PRKCQ: variants seen among roughly 807,000 people sequenced by gnomAD.
PRKCQ encodes the protein protein kinase C theta, also known as protein kinase C theta type.
In PRKCQ, 41 loss-of-function variants were observed where a neutral mutation model predicts 91.2. The observed-to-expected ratio is 0.45, with a 90% confidence interval of 0.35 to 0.58. PRKCQ has a LOEUF of 0.58. PRKCQ is among the 20% of genes least tolerant of loss of function. The pLI, the probability that PRKCQ is intolerant of heterozygous loss-of-function variation, is 0.00. For synonymous variants in PRKCQ, 307 were observed against 316.9 expected (o/e 0.97, Z 0.33); for missense variants, 673 against 896.5 (o/e 0.75, Z 3.18).
In PRKCQ at chr10:6,553,499, A is replaced by ATAAAAT. The variant is rs1554782517; in HGVS notation, c.-10+26711_-10+26712insATTTTA. ...AGCAAGACCCTGTCTCAAAAAAAAA[A>ATAAAAT]AAAAAAAAAAAAAAAAAACAAACAA... On this transcript the variant is annotated intron_variant, in intron 1 of 17. Transcript: ENST00000263125. 3.2e-3 allele frequency among the ~76,000 whole-genome samples: 19 copies of ATAAAAT among 6,008 alleles called. 1 individual carries two copies. The highest frequency in any genetic ancestry group is 0.05 in the East Asian group (1 of 20). The allele number at this position is 6,008 out of a possible 152,430, so 3.9% of individuals were successfully genotyped here.
At chr10:6,515,863 A>C (rs1838732723) in intron 1 of PRKCQ, among the ~76,000 whole-genome samples, 1 of 152,250 alleles carries the variant, frequency 6.6e-6, no homozygotes, top group African/African-American at 2.4e-5. Flanking sequence ...TAGTTATCAA[A>C]GTGTTAGCTA....
chr10:6,478,674 A>C (rs1836404776), intron 12 of PRKCQ, among the ~76,000 whole-genome samples: 1 of 152,236 alleles, frequency 6.6e-6, no homozygotes. Context: ...GTAGATGAAC[A>C]AACACTTGTT....
intron 3 of PRKCQ, among the ~76,000 whole-genome samples, chr10:6,507,798 G>A (rs991824100): frequency 2.0e-5 from 3 of 152,222 alleles, no homozygotes; most frequent in African/African-American, 7.2e-5. Context: ...CTGCGTATCT[G>A]AAGGACTGTC....
At chr10:6,433,500 A>G (rs1410398601) in intron 16 of PRKCQ, among the ~76,000 whole-genome samples, 1 of 152,130 alleles carries the variant, frequency 6.6e-6, no homozygotes, top group Non-Finnish European at 1.5e-5. Context: ...GTTTATCTGC[A>G]GATCACGCAT....
At chr10:6,579,580 G>T (rs1365263825) in intron 1 of PRKCQ, among the ~76,000 whole-genome samples, 1 of 151,882 alleles carries the variant, frequency 6.6e-6, no homozygotes, top group Non-Finnish European at 1.5e-5. Context: ...AACTTTGCTT[G>T]GTTAACCTGG....
At chr10:6,436,107 C>G (rs975534986) in intron 16 of PRKCQ, among the ~76,000 whole-genome samples, 1 of 152,188 alleles carries the variant, frequency 6.6e-6, no homozygotes, top group Non-Finnish European at 1.5e-5. Flanking sequence ...GAGCGACACT[C>G]TGTCTTAAAA....
chr10:6,547,680 T>C (rs1840014577), intron 1 of PRKCQ, among the ~76,000 whole-genome samples: 1 of 151,014 alleles, frequency 6.6e-6, no homozygotes. Flanking sequence ...GCTAGCCATA[T>C]GTAGAAAGCT....
Position 6,497,095 on chromosome 10 carries a change from C to A in PRKCQ, c.600G>T (p.Lys200Asn). ...ACTTTGCTATAACTTTATCAATACA[C>A]TTCTTGTGAATTGCTGCATTGCATT... ...CRQCNAAIHK[K>N]CIDKVIAKCT... The change falls in exon 7 of 18, where the codon AAG becomes AAT. Residue 200 changes from lysine (K) to asparagine (N), a missense_variant. By Grantham distance (94) the Lys-to-Asn change is moderately conservative (BLOSUM62 0). Transcript: ENST00000263125. This position sits in a 1 kb window ranked among gnomAD's most constrained non-coding sequence, Gnocchi z 4.5. 1.2e-6 allele frequency: 2 copies of A among 1,613,916 alleles called. No homozygotes were observed. The highest frequency in any genetic ancestry group is 1.7e-6 in the Non-Finnish European group (2 of 1,180,028).
At chr10:6,511,680 G>A (rs1838484989) in intron 2 of PRKCQ, among the ~76,000 whole-genome samples, 1 of 152,184 alleles carries the variant, frequency 6.6e-6, no homozygotes, top group South Asian at 2.1e-4. Flanking sequence ...CTTGGGAGGG[G>A]TAAGTAAGCA....
intron 1 of PRKCQ, among the ~76,000 whole-genome samples, chr10:6,518,867 T>G (rs535475718): frequency 2.4e-4 from 37 of 152,296 alleles, no homozygotes; most frequent in African/African-American, 7.9e-4. Context: ...AACAATAATA[T>G]GTTTTTGCCC....
chr10:6,523,531 G>A lies in PRKCQ; in HGVS notation c.-9-8387C>T, dbSNP rs182533841. ...CTACAATACAGTGACAAAGGAAACC[G>A]AAGGCTAACAGTCAACCCTCAGTCA... is the stretch of plus-strand genomic sequence containing the variant. On this transcript the variant is annotated intron_variant, in intron 1 of 17. Coordinates refer to ENST00000263125, the MANE Select transcript of PRKCQ (RefSeq NM_006257.5). Among the ~76,000 whole-genome samples, 5 of 152,176 alleles carry A rather than the reference G, an allele frequency of 3.3e-5. No homozygotes were observed. In the East Asian group the frequency reaches 5.8e-4, roughly 18 times the overall value.
chr10:6,575,569 T>G (rs1841198575), intron 1 of PRKCQ, among the ~76,000 whole-genome samples: 1 of 152,218 alleles, frequency 6.6e-6, no homozygotes, highest in African/African-American at 2.4e-5. Context: ...GTGTGAGTTG[T>G]ATTTCCTCCA....
At chr10:6,414,342 A>G in the PRKCQ span, among the ~76,000 whole-genome samples, 1 of 152,354 alleles carries the variant, frequency 6.6e-6, no homozygotes, top group Non-Finnish European at 1.5e-5. Flanking sequence ...CCACATCACA[A>G]AACAAAGCTC....
intron 1 of PRKCQ, among the ~76,000 whole-genome samples, chr10:6,569,082 G>A (rs1402342029): frequency 6.6e-6 from 1 of 152,132 alleles, no homozygotes; most frequent in Non-Finnish European, 1.5e-5. Flanking sequence ...CTAACACTTA[G>A]CACACAGTAC....
intron 15 of PRKCQ, among the ~76,000 whole-genome samples, chr10:6,450,835 A>G (rs898756593): frequency 5.3e-5 from 8 of 152,212 alleles, no homozygotes; most frequent in Non-Finnish European, 1.0e-4. Context: ...TACTGGGTAC[A>G]TAACGAAATG....
intron 15 of PRKCQ, among the ~76,000 whole-genome samples, chr10:6,449,569 G>C (rs1419478330): frequency 6.6e-6 from 1 of 151,976 alleles, no homozygotes; most frequent in Non-Finnish European, 1.5e-5. Flanking sequence ...TTCAGATTCA[G>C]GAAATACAGA....
At chr10:6,474,405 G>A (rs1449410806) in intron 12 of PRKCQ, among the ~76,000 whole-genome samples, 5 of 152,264 alleles carry the variant, frequency 3.3e-5, no homozygotes, top group Admixed American at 1.3e-4. Flanking sequence ...AATACAGATC[G>A]GCCTTTCAGA....
In PRKCQ at chr10:6,564,428, G is replaced by A. The variant is rs138465199; in HGVS notation, c.-10+15783C>T. Among the ~76,000 whole-genome samples the A allele has an allele frequency of 3.5e-4, 54 of 152,146 alleles. 1 individual carries two copies. The East Asian group carries it at 6.4e-3, about 18-fold the overall frequency. ...CTTCTGCGATGCCACTGTACTGCTC[G>A]CCCAGAAGTGCCCTCTGCTGCCCCT... On this transcript the variant is annotated intron_variant, in intron 1 of 17. Coordinates refer to ENST00000263125, the MANE Select transcript of PRKCQ (RefSeq NM_006257.5).
chr10:6,463,773 A>G (rs140612063), intron 13 of PRKCQ, among the ~76,000 whole-genome samples: 1 of 152,306 alleles, frequency 6.6e-6, no homozygotes, highest in East Asian at 1.9e-4. Flanking sequence ...AGGGAACAGC[A>G]TGGGCAGGAG....
Sources: allele counts gnomAD v4.1 joint callset (sites outside exome capture counted in the v4.1 genomes callset), GRCh38; gene constraint gnomAD v4.1.1; non-coding constraint Gnocchi (gnomAD v3.1); transcripts MANE v1.5; gene names NCBI Gene and HGNC (gene_info 2026-07-23, HGNC 2026-07-21).